The following TTYH2 variants were observed in gnomAD, a reference collection of about 807,000 sequenced individuals.
The protein encoded by TTYH2 is tweety family member 2, also known as protein tweety homolog 2.
A neutral mutation model predicts 68.3 loss-of-function variants in TTYH2; 49 were observed. That is an observed-to-expected ratio of 0.72 (90% confidence interval 0.57 to 0.91). The LOEUF (loss-of-function observed/expected upper bound fraction) is 0.91, where lower values mean the gene tolerates loss of function less well. Ranked by LOEUF, TTYH2 falls within the 40% of genes least tolerant of loss-of-function variation. The pLI is 0.00. For synonymous variants in TTYH2, 272 were observed against 300.8 expected, an observed-to-expected ratio of 0.90 and a Z score of 0.99; for missense variants, 631 against 700.4, an observed-to-expected ratio of 0.90 and a Z score of 1.12.
chr17:74,260,396 CCTCT>C lies in TTYH2; in HGVS notation c.*192_*195del, dbSNP rs1299310415. On this transcript the variant is annotated 3_prime_UTR_variant, in exon 14 of 14. Coordinates refer to ENST00000269346, the MANE Select transcript of TTYH2 (RefSeq NM_032646.6). ...GCAGAAGACTCACCACGCGGGCCAG[CCTCT>C]CTCTTTTGCCCTGCTCTCCACACCA... 3 of 618,626 alleles carry C rather than the reference CCTCT, an allele frequency of 4.8e-6. No individual in the cohort carries two copies. The allele number at this position is 618,626 out of a possible 1,614,324, so 38.3% of individuals were successfully genotyped here.
chr17:74,225,486 T>A (rs1567811480), intron 2 of TTYH2, among the ~76,000 whole-genome samples: 1 of 152,126 alleles, frequency 6.6e-6, no homozygotes, highest in Admixed American at 6.5e-5. Flanking sequence ...TCAAGTTGAA[T>A]GTAACCCAGG....
chr17:74,253,419 G>A (rs1305973670), intron 12 of TTYH2, among the ~76,000 whole-genome samples, 153 bp downstream of exon 12: 2 of 152,194 alleles, frequency 1.3e-5, no homozygotes, highest in African/African-American at 2.4e-5. Flanking sequence ...CCCCCGGGGA[G>A]CATCTAGTCA....
intron 4 of TTYH2, among the ~76,000 whole-genome samples, chr17:74,238,411 CT>C (rs2050465950): frequency 1.3e-5 from 2 of 151,568 alleles, no homozygotes; most frequent in Non-Finnish European, 2.9e-5. Context: ...TTTTTTCTTT[CT>C]TTTTAAGACA....
intron 3 of TTYH2, among the ~76,000 whole-genome samples, chr17:74,234,296 C>T (rs552233359): frequency 6.6e-6 from 1 of 152,206 alleles, no homozygotes; most frequent in South Asian, 2.1e-4. Flanking sequence ...ACCTGTAGCT[C>T]GTCCCTAAGT....
Position 74,261,365 on chromosome 17 carries a change from TCC to T in TTYH2, c.*1158_*1159del, listed in dbSNP as rs1276617765. On this transcript the variant is annotated 3_prime_UTR_variant, in exon 14 of 14. Coordinates refer to ENST00000269346, the MANE Select transcript of TTYH2 (RefSeq NM_032646.6). ...CCAAATGCCTACATCAGCTGTCCCCTCCCTGTTGTCTCCAAGTAAGTTTGCCA... is the reference window on the plus strand; with the variant it reads ...CCAAATGCCTACATCAGCTGTCCCCTCTGTTGTCTCCAAGTAAGTTTGCCA... 1.3e-5 allele frequency: 2 copies of T among 152,234 alleles called. No homozygotes were observed. Among genetic ancestry groups the T allele is most frequent in the African/African-American group, 4.8e-5 (2 of 41,438 alleles). The allele number at this position is 152,234 out of a possible 1,614,324, so 9.4% of individuals were successfully genotyped here. A position where few individuals can be genotyped will look rare whatever the true frequency, so the allele number is the denominator to read the frequency against.
chr17:74,216,106 G>A (rs2050219856), intron 1 of TTYH2, among the ~76,000 whole-genome samples: 1 of 152,222 alleles, frequency 6.6e-6, no homozygotes, highest in African/African-American at 2.4e-5. Context: ...CTAGTACAGA[G>A]AGTCCCATAG....
In TTYH2 at chr17:74,215,170, C is replaced by CGT. The variant is rs5822029; in HGVS notation, c.129+1487_129+1488dup. ...AGGCGGATATGATTTCAGAAACAGC[C>CGT]GTGTGTGTGTGTGTGTGTGTGTGTG... On this transcript the variant is annotated intron_variant, in intron 1 of 13. Transcript: ENST00000269346. The surrounding 1 kb of genome is among the most constrained non-coding windows in gnomAD (Gnocchi z 4.3). 0.07 allele frequency among the ~76,000 whole-genome samples: 10,306 copies of CGT among 147,410 alleles called. 374 individuals are homozygous for CGT. The highest frequency in any genetic ancestry group is 0.092 in the African/African-American group (3,660 of 39,888).
chr17:74,237,847 T>C (rs1267280587), intron 4 of TTYH2, among the ~76,000 whole-genome samples: 4 of 152,094 alleles, frequency 2.6e-5, no homozygotes, highest in Non-Finnish European at 5.9e-5. Flanking sequence ...GCCAGGCTAG[T>C]CTCTCGAGCT....
rs35080135 is a variant in TTYH2 at position 74,227,983 on chromosome 17, CTTTTTTTTTT to C, written c.303-2896_303-2887del. On this transcript the variant is annotated intron_variant, in intron 2 of 13. Coordinates refer to ENST00000269346, the MANE Select transcript of TTYH2 (RefSeq NM_032646.6). ...GAAGGAGGTTTCTTTTCTTTTCTTT[CTTTTTTTTTT>C]TTTTTTTTGAGATAGAGTCTTGCTC... Among the ~76,000 whole-genome samples, 2 of 112,512 alleles carry C rather than the reference CTTTTTTTTTT, an allele frequency of 1.8e-5. 1 individual carries two copies. The highest frequency in any genetic ancestry group is 9.3e-5 in the African/African-American group (2 of 21,546). 73.8% of individuals were successfully genotyped at this position (112,512 alleles called of 152,430 possible).
In TTYH2 at chr17:74,241,631, C is replaced by G. The variant is rs995261681; in HGVS notation, c.636-1743C>G. Among the ~76,000 whole-genome samples, 1 of 152,216 alleles carries G rather than the reference C, an allele frequency of 6.6e-6. No individual in the cohort carries two copies. Among genetic ancestry groups the G allele is most frequent in the Admixed American group, 6.5e-5 (1 of 15,280 alleles). ...ACTTTCTGCCAGCTCCAGGGCACTC[C>G]CTGCCCACGCTCCAAACTCCGTCTT... On this transcript the variant is annotated intron_variant, in intron 4 of 13. Transcript: ENST00000269346. This position sits in a 1 kb window ranked among gnomAD's most constrained non-coding sequence, Gnocchi z 4.1.
chr17:74,248,150 G>A (rs1326449193), intron 6 of TTYH2: 15 of 540,980 alleles, frequency 2.8e-5, no homozygotes, highest in Non-Finnish European at 3.3e-5. Context: ...CCTGCCCGGG[G>A]AGCATGTGCC....
At chr17:74,216,670 G>C (rs1225240177) in intron 1 of TTYH2, among the ~76,000 whole-genome samples, 1 of 152,216 alleles carries the variant, frequency 6.6e-6, no homozygotes, top group Non-Finnish European at 1.5e-5. Flanking sequence ...TTGTGGGGAG[G>C]CTACCCTCCA....
chr17:74,233,771 C>T (rs985382448), intron 3 of TTYH2, among the ~76,000 whole-genome samples: 11 of 151,988 alleles, frequency 7.2e-5, no homozygotes, highest in Non-Finnish European at 1.3e-4. Context: ...GAGGGCTGCA[C>T]GCCCCAGTCT....
chr17:74,221,496 TA>T (rs1215708040), intron 1 of TTYH2, among the ~76,000 whole-genome samples: 3 of 152,168 alleles, frequency 2.0e-5, no homozygotes, highest in African/African-American at 7.2e-5. Context: ...CCCAGAGCAC[TA>T]GGGATTCGGG....
At chr17:74,228,108 C>T (rs1014489835) in intron 2 of TTYH2, among the ~76,000 whole-genome samples, 34 of 151,442 alleles carry the variant, frequency 2.2e-4, no homozygotes, top group Admixed American at 2.0e-3. Flanking sequence ...CTCAGTCTCC[C>T]GAGTAGCTGG....
rs1423747682 is a variant in TTYH2 at position 74,217,567 on chromosome 17, T to A, written c.129+3851T>A. ...AAGCCCCATTCATCCAGTGTGAAAT[T>A]GAGTCACGGTCATCAGACAGTCATG... On this transcript the variant is annotated intron_variant, in intron 1 of 13. Transcript: ENST00000269346. The surrounding 1 kb of genome is among the most constrained non-coding windows in gnomAD (Gnocchi z 4.0). Among the ~76,000 whole-genome samples, 1 of 152,110 alleles carries A rather than the reference T, an allele frequency of 6.6e-6. No individual in the cohort carries two copies. Among genetic ancestry groups the A allele is most frequent in the Non-Finnish European group, 1.5e-5 (1 of 68,012 alleles).
chr17:74,250,004 C>A lies in TTYH2; in HGVS notation c.999C>A (p.Ala333=). ...AGGTCGCGGGGCTGCTGCAGTTTGCCGTGCCCCTCTTCTCCACTGCAGAGG... is the reference window on the plus strand; with the variant it reads ...AGGTCGCGGGGCTGCTGCAGTTTGCAGTGCCCCTCTTCTCCACTGCAGAGG... ...QIQVAGLLQF[A]VPLFSTAEED... The change falls in exon 9 of 14, where the codon GCC becomes GCA. Residue 333 remains alanine, a synonymous_variant. Transcript: ENST00000269346. 1 of 1,614,120 alleles carries A rather than the reference C, an allele frequency of 6.2e-7. No individual in the cohort carries two copies. The highest frequency in any genetic ancestry group is 8.5e-7 in the Non-Finnish European group (1 of 1,180,014).
chr17:74,252,280 G>A lies in TTYH2; in HGVS notation c.1163G>A (p.Gly388Asp), dbSNP rs1450453624. The A allele has an allele frequency of 2.5e-6, 4 of 1,613,588 alleles. No individual in the cohort carries two copies. The highest frequency in any genetic ancestry group is 3.4e-6 in the Non-Finnish European group (4 of 1,180,050). The change falls in exon 11 of 14, where the codon GGC (glycine) becomes GAC (aspartate). Residue 388 changes from glycine to aspartate, a missense_variant. Coordinates refer to ENST00000269346, the MANE Select transcript of TTYH2 (RefSeq NM_032646.6). ...GGCATCTGCTACGACGGCCTCCAGG[G>A]CTTGCTGTACCTTGGCCTCTTCTCC... ...LAGICYDGLQGLLYLGLFSFL... is the reference protein window; with the variant it reads ...LAGICYDGLQDLLYLGLFSFL...
At chr17:74,246,481 C>T (rs1228615334) in intron 6 of TTYH2, among the ~76,000 whole-genome samples, 1 of 151,828 alleles carries the variant, frequency 6.6e-6, no homozygotes, top group Non-Finnish European at 1.5e-5. Context: ...CACTGGCTTC[C>T]TGTGCATTCA....
Sources: allele counts gnomAD v4.1 joint callset (sites outside exome capture counted in the v4.1 genomes callset), GRCh38; gene constraint gnomAD v4.1.1; non-coding constraint Gnocchi (gnomAD v3.1); transcripts MANE v1.5; gene names NCBI Gene and HGNC (gene_info 2026-07-23, HGNC 2026-07-21).